Variants in GRIN2A observed in about 807,000 individuals in gnomAD.
GRIN2A encodes the protein glutamate receptor ionotropic, NMDA 2A.
In GRIN2A, 22 loss-of-function variants were observed where a neutral mutation model predicts 113.4. That is an observed-to-expected ratio of 0.19 (90% CI 0.14 to 0.28). The LOEUF is 0.28. Among genes scored for constraint, GRIN2A ranks in the 10% least tolerant of loss-of-function variants. The pLI is 1.00. For missense variants in GRIN2A, 1,502 were observed against 1,887.0 expected (o/e 0.80, Z 3.78); for synonymous variants, 827 against 738.4 (o/e 1.12, Z -1.94).
At chr16:9,775,935 C>G (rs1225016177) in intron 11 of GRIN2A, among the ~76,000 whole-genome samples, 1 of 152,132 alleles carries the variant, frequency 6.6e-6, no homozygotes, top group Non-Finnish European at 1.5e-5. Context: ...AGGAAGGTCA[C>G]CAGTCAACTC....
chr16:9,871,092 C>T (rs948685051), intron 4 of GRIN2A, among the ~76,000 whole-genome samples: 5 of 152,098 alleles, frequency 3.3e-5, no homozygotes, highest in African/African-American at 1.2e-4. Flanking sequence ...TTTATCACAG[C>T]AACAGATTTC....
intron 2 of GRIN2A, among the ~76,000 whole-genome samples, chr16:10,064,692 C>A (rs562496221): frequency 3.9e-5 from 6 of 152,230 alleles, no homozygotes; most frequent in African/African-American, 1.4e-4. Context: ...CTGCTACTAA[C>A]AACCCCAGGT....
chr16:10,130,039 A>G (rs2049029819), intron 2 of GRIN2A, among the ~76,000 whole-genome samples: 1 of 152,232 alleles, frequency 6.6e-6, no homozygotes, highest in South Asian at 2.1e-4. Flanking sequence ...GTAGGTTTGT[A>G]GTTTGAACAG....
chr16:9,988,380 C>T (rs1231646119), intron 2 of GRIN2A, among the ~76,000 whole-genome samples: 1 of 151,722 alleles, frequency 6.6e-6, no homozygotes, highest in Non-Finnish European at 1.5e-5. Flanking sequence ...CAAATTATAC[C>T]ACTCAATTTT....
intron 2 of GRIN2A, among the ~76,000 whole-genome samples, chr16:10,147,688 T>C (rs950058018): frequency 2.7e-5 from 4 of 149,714 alleles, no homozygotes; most frequent in Admixed American, 6.6e-5. Context: ...GGTCCAACCA[T>C]AGCAAAATCA....
chr16:9,959,983 AC>A (rs1313446769), intron 2 of GRIN2A, among the ~76,000 whole-genome samples: 5 of 152,210 alleles, frequency 3.3e-5, no homozygotes, highest in Admixed American at 2.0e-4. Context: ...AAAAAAACAA[AC>A]AAAAACCATA....
At chr16:10,127,277 G>A (rs946320810) in intron 2 of GRIN2A, among the ~76,000 whole-genome samples, 3 of 151,724 alleles carry the variant, frequency 2.0e-5, no homozygotes, top group African/African-American at 7.3e-5. Context: ...AAGTCTTTGG[G>A]TGTTTATTGG....
At position 9,790,798 on chromosome 16, in the gene GRIN2A, G is replaced by A. The variant is rs370300132; in HGVS notation, c.2356+7479C>T. The stretch of plus-strand genomic sequence containing the variant: ...ACATAAGACTTGCAAAAGTGTATCT[G>A]CAGTATTTTCTAATTCATTCATTTG... On this transcript the variant is annotated intron_variant, in intron 11 of 12. Coordinates refer to ENST00000330684, the MANE Select transcript of GRIN2A (RefSeq NM_001134407.3). 7.9e-5 allele frequency among the ~76,000 whole-genome samples: 12 copies of A among 152,180 alleles called. No homozygotes were observed. The East Asian group carries it at 1.7e-3, about 22-fold the overall frequency.
At chr16:9,811,841 C>G (rs539208049) in intron 10 of GRIN2A, among the ~76,000 whole-genome samples, 1 of 152,184 alleles carries the variant, frequency 6.6e-6, no homozygotes, top group African/African-American at 2.4e-5. Context: ...CTTCACAGTT[C>G]TTCCCCAGGA....
chr16:9,942,321 A>G lies in GRIN2A; in HGVS notation c.415-3770T>C, dbSNP rs946690664. On this transcript the variant is annotated intron_variant, in intron 2 of 12. Coordinates refer to ENST00000330684, the MANE Select transcript of GRIN2A (RefSeq NM_001134407.3). Reference sequence around the variant, plus strand: ...GCACCAGCTTTATAGTTGAAATACCATGAGCTCTAGGGTCTATTGAACCTA... The same window carrying G: ...GCACCAGCTTTATAGTTGAAATACCGTGAGCTCTAGGGTCTATTGAACCTA... 2.0e-5 allele frequency among the ~76,000 whole-genome samples: 3 copies of G among 152,158 alleles called. No homozygotes were observed. The East Asian group carries it at 5.8e-4, about 29-fold the overall frequency.
In GRIN2A at chr16:10,052,606, C is replaced by T. The variant is rs550823691; in HGVS notation, c.415-114055G>A. ...GGAGGGTAAGTGTGACCAGGGCTGG[C>T]TGGCGGTAAAGACCTCCCGGAAAAT... On this transcript the variant is annotated intron_variant, in intron 2 of 12. Coordinates refer to ENST00000330684, the MANE Select transcript of GRIN2A (RefSeq NM_001134407.3). Among the ~76,000 whole-genome samples, 575 of 152,190 alleles carry T rather than the reference C, an allele frequency of 3.8e-3. 2 individuals are homozygous for T. Among genetic ancestry groups the T allele is most frequent in the African/African-American group, 0.013 (550 of 41,520 alleles).
chr16:9,905,845 T>C (rs1292939048), intron 3 of GRIN2A, among the ~76,000 whole-genome samples: 1 of 152,180 alleles, frequency 6.6e-6, no homozygotes, highest in Non-Finnish European at 1.5e-5. Flanking sequence ...AGACCAGGAA[T>C]TGTTGGCTCT....
At chr16:10,102,797 A>G (rs1308944052) in intron 2 of GRIN2A, among the ~76,000 whole-genome samples, 1 of 152,192 alleles carries the variant, frequency 6.6e-6, no homozygotes, top group African/African-American at 2.4e-5. Context: ...CCACAGAGCT[A>G]GCAAGAGGTA....
chr16:9,979,150 C>T (rs1180595080), intron 2 of GRIN2A, among the ~76,000 whole-genome samples: 5 of 152,124 alleles, frequency 3.3e-5, no homozygotes, highest in Non-Finnish European at 5.9e-5. Context: ...TTTATCTACT[C>T]AAAAGGAACA....
At chr16:9,796,890 C>T (rs1407191564) in intron 11 of GRIN2A, among the ~76,000 whole-genome samples, 1 of 152,230 alleles carries the variant, frequency 6.6e-6, no homozygotes, top group African/African-American at 2.4e-5. Flanking sequence ...CATTATTACA[C>T]AGCAGAGAAC....
chr16:9,870,621 T>C (rs2043241548), intron 4 of GRIN2A, among the ~76,000 whole-genome samples: 1 of 150,872 alleles, frequency 6.6e-6, no homozygotes, highest in Admixed American at 6.6e-5. Flanking sequence ...TTCAAGTAAC[T>C]TTTTTTCTTT....
intron 2 of GRIN2A, among the ~76,000 whole-genome samples, chr16:10,019,442 G>A (rs1243595324): frequency 6.6e-6 from 1 of 152,200 alleles, no homozygotes; most frequent in Admixed American, 6.5e-5. Context: ...AGGAGGAAAT[G>A]TTTAATCTGT....
At chr16:10,145,359 G>C (rs1172461575) in intron 2 of GRIN2A, among the ~76,000 whole-genome samples, 1 of 152,148 alleles carries the variant, frequency 6.6e-6, no homozygotes, top group Non-Finnish European at 1.5e-5. Context: ...ACAAAACAAA[G>C]AGACACAAGG....
chr16:9,917,221 C>T (rs2044270153), intron 3 of GRIN2A, among the ~76,000 whole-genome samples: 1 of 152,132 alleles, frequency 6.6e-6, no homozygotes, highest in Non-Finnish European at 1.5e-5. Flanking sequence ...ATCTCAGTAC[C>T]CCATATCTGC....
Sources: allele counts gnomAD v4.1 joint callset (sites outside exome capture counted in the v4.1 genomes callset), GRCh38; gene constraint gnomAD v4.1.1; transcripts MANE v1.5; gene names NCBI Gene and HGNC (gene_info 2026-07-23, HGNC 2026-07-21).